GLRA3: variants seen among roughly 807,000 people sequenced by gnomAD.
GLRA3 encodes the protein glycine receptor alpha 3.
GLRA3 carries 44 observed loss-of-function variants against 60.4 expected under a neutral mutation model. That is an observed-to-expected ratio of 0.73 (90% CI 0.57 to 0.94). The LOEUF (loss-of-function observed/expected upper bound fraction) is 0.94, where lower values mean the gene tolerates loss of function less well. GLRA3 is among the 40% of genes least tolerant of loss of function. GLRA3 has a pLI of 0.00. For synonymous variants in GLRA3, 223 were observed against 192.9 expected, an observed-to-expected ratio of 1.16 and a Z score of -1.29; for missense variants, 508 against 564.6, an observed-to-expected ratio of 0.90 and a Z score of 1.02.
At chr4:174,699,879 A>T (rs1201801747) in intron 5 of GLRA3, among the ~76,000 whole-genome samples, 1 of 151,384 alleles carries the variant, frequency 6.6e-6, no homozygotes, top group East Asian at 1.9e-4. Flanking sequence ...TTAATACTTA[A>T]TTTGTTAATT....
chr4:174,646,064 C>G (rs1732800815), intron 9 of GLRA3, among the ~76,000 whole-genome samples: 1 of 152,134 alleles, frequency 6.6e-6, no homozygotes, highest in Admixed American at 6.5e-5. Flanking sequence ...TAAAAGACAT[C>G]TATCTCAAAG....
intron 7 of GLRA3, among the ~76,000 whole-genome samples, chr4:174,670,479 C>T (rs1056523432): frequency 6.6e-6 from 1 of 152,084 alleles, no homozygotes; most frequent in Non-Finnish European, 1.5e-5. Flanking sequence ...ACTCAGGGTA[C>T]GATTCTAGGA....
rs1167623269 is a variant in GLRA3 at position 174,810,883 on chromosome 4, C to G, written c.71+17858G>C. 4.6e-5 allele frequency among the ~76,000 whole-genome samples: 7 copies of G among 152,108 alleles called. No individual in the cohort carries two copies. The South Asian group carries it at 1.4e-3, about 31-fold the overall frequency. On this transcript the variant is annotated intron_variant, in intron 1 of 9. Coordinates refer to ENST00000274093, the MANE Select transcript of GLRA3 (RefSeq NM_006529.4). Reference sequence around the variant, plus strand: ...TTCCTTTGTCAAATCCGTGAAATAGCAGTTGATTTCTTAAAATAAATCTCA... The same window carrying G: ...TTCCTTTGTCAAATCCGTGAAATAGGAGTTGATTTCTTAAAATAAATCTCA...
intron 3 of GLRA3, among the ~76,000 whole-genome samples, chr4:174,747,784 T>C (rs1039573420): frequency 1.3e-5 from 2 of 152,128 alleles, no homozygotes; most frequent in African/African-American, 4.8e-5. Context: ...TTTGTACAAT[T>C]GAGGGAGATA....
chr4:174,745,576 G>C (rs551743305), intron 3 of GLRA3, among the ~76,000 whole-genome samples: 1 of 152,134 alleles, frequency 6.6e-6, no homozygotes, highest in South Asian at 2.1e-4. Context: ...CATTGGTCTT[G>C]GCAAAGATTT....
Position 174,642,452 on chromosome 4 carries a change from T to C in GLRA3, c.*1334A>G. ...CCAAATAAATTTATGGTAAAAATAG[T>C]TAAAAAAATAGCAAAACTGAAAAAG... is the stretch of plus-strand genomic sequence containing the variant. On this transcript the variant is annotated 3_prime_UTR_variant, in exon 10 of 10. Transcript: ENST00000274093. The C allele has an allele frequency of 1.0e-6, 1 of 976,970 alleles. No homozygotes were observed. 60.5% of individuals were successfully genotyped at this position (976,970 alleles called of 1,614,324 possible).
At chr4:174,752,667 C>G (rs113168972) in intron 3 of GLRA3, among the ~76,000 whole-genome samples, 1 of 152,000 alleles carries the variant, frequency 6.6e-6, no homozygotes, top group African/African-American at 2.4e-5. Flanking sequence ...TCTTCCTTAC[C>G]GTAGGAGGAA....
intron 1 of GLRA3, among the ~76,000 whole-genome samples, chr4:174,791,340 T>C (rs1739338969): frequency 1.3e-5 from 2 of 152,086 alleles, no homozygotes; most frequent in Non-Finnish European, 2.9e-5. Flanking sequence ...CCAGAGTTTC[T>C]GGAGGTAGCA....
chr4:174,659,328 A>T (rs1337469498), intron 7 of GLRA3, 131 bp from the exon 8 acceptor site: 2 of 672,794 alleles, frequency 3.0e-6, no homozygotes, highest in African/African-American at 1.9e-5. Flanking sequence ...GAAAATGACA[A>T]TTTTTTCTTG....
chr4:174,685,241 T>C (rs1734510919), intron 5 of GLRA3, among the ~76,000 whole-genome samples: 1 of 151,842 alleles, frequency 6.6e-6, no homozygotes, highest in African/African-American at 2.4e-5. Flanking sequence ...TGGGAAAAAC[T>C]CTCCCAGACA....
chr4:174,735,033 A>AATC (rs1736714315), intron 3 of GLRA3, among the ~76,000 whole-genome samples: 1 of 152,190 alleles, frequency 6.6e-6, no homozygotes, highest in Non-Finnish European at 1.5e-5. Flanking sequence ...GTAACAAATT[A>AATC]ATCTCCCGCT....
intron 3 of GLRA3, among the ~76,000 whole-genome samples, chr4:174,761,602 AG>A (rs1737946524): frequency 6.6e-6 from 1 of 152,242 alleles, no homozygotes; most frequent in Non-Finnish European, 1.5e-5. Context: ...TAAATCACAT[AG>A]CAGCACAATT....
At chr4:174,678,231 G>A (rs1734204282) in intron 6 of GLRA3, among the ~76,000 whole-genome samples, 1 of 152,138 alleles carries the variant, frequency 6.6e-6, no homozygotes, top group Admixed American at 6.5e-5. Context: ...AATACATAGA[G>A]GAGTAAATGA....
chr4:174,822,511 T>A (rs577713242), intron 1 of GLRA3, among the ~76,000 whole-genome samples: 149 of 152,180 alleles, frequency 9.8e-4, no homozygotes, highest in Non-Finnish European at 7.5e-4. Flanking sequence ...ATATTTTCCT[T>A]CTGAGTAAAC....
rs1227106590 is a variant in GLRA3 at position 174,814,058 on chromosome 4, CA to C, written c.71+14682del. 6.0e-5 allele frequency among the ~76,000 whole-genome samples: 9 copies of C among 149,084 alleles called. No homozygotes were observed. The South Asian group carries it at 8.7e-4, about 14-fold the overall frequency. ...ACTCTGTGTGGCTCTGCAGCAGCATCAAGGGGGGGTATCCATGACCCCAGAG... is the reference window on the plus strand; with the variant it reads ...ACTCTGTGTGGCTCTGCAGCAGCATCAGGGGGGGTATCCATGACCCCAGAG... On this transcript the variant is annotated intron_variant, in intron 1 of 9. Transcript: ENST00000274093.
At chr4:174,801,680 C>G (rs1579631513) in intron 1 of GLRA3, among the ~76,000 whole-genome samples, 1 of 152,048 alleles carries the variant, frequency 6.6e-6, no homozygotes, top group East Asian at 1.9e-4. Flanking sequence ...CTGGTCTATT[C>G]CAACTTACTA....
chr4:174,768,870 T>A (rs1179216361), intron 2 of GLRA3, among the ~76,000 whole-genome samples: 3 of 152,162 alleles, frequency 2.0e-5, no homozygotes, highest in African/African-American at 7.2e-5. Context: ...GGCAGATACC[T>A]GTATAAATAG....
chr4:174,648,075 C>A (rs1177601529), intron 9 of GLRA3, among the ~76,000 whole-genome samples: 1 of 152,114 alleles, frequency 6.6e-6, no homozygotes, highest in East Asian at 1.9e-4. Context: ...GAATGCTAAC[C>A]CCCAATCTGC....
At chr4:174,755,951 C>T (rs1737677154) in intron 3 of GLRA3, among the ~76,000 whole-genome samples, 2 of 152,104 alleles carry the variant, frequency 1.3e-5, no homozygotes, top group Non-Finnish European at 2.9e-5. Context: ...AAATTGGAAA[C>T]ATTACAAAGA....
Sources: gnomAD v4.1 joint callset for allele counts (sites outside exome capture counted in the v4.1 genomes callset) on GRCh38, gnomAD v4.1.1 for gene constraint, MANE v1.5 for transcripts, NCBI Gene and HGNC (gene_info 2026-07-23, HGNC 2026-07-21) for gene names.